CDYL2: variants seen among roughly 807,000 people sequenced by gnomAD.
CDYL2 encodes the protein chromodomain Y like 2, also known as chromodomain Y-like protein 2.
CDYL2 carries 23 observed loss-of-function variants against 49.4 expected under a neutral mutation model. The observed-to-expected ratio is 0.47, with a 90% CI of 0.34 to 0.66. The LOEUF is 0.66. Ranked by LOEUF, CDYL2 falls within the 30% of genes least tolerant of loss-of-function variation. CDYL2 has a pLI of 0.01. For synonymous variants in CDYL2, 360 were observed against 268.8 expected, an observed-to-expected ratio of 1.34 and a Z score of -3.32; for missense variants, 678 against 656.4, an observed-to-expected ratio of 1.03 and a Z score of -0.36.
chr16:80,652,425 G>T (rs1283057159), intron 2 of CDYL2, among the ~76,000 whole-genome samples: 1 of 152,188 alleles, frequency 6.6e-6, no homozygotes, highest in Non-Finnish European at 1.5e-5. Flanking sequence ...TACCATCCAT[G>T]AGTCCATACT....
chr16:80,651,284 C>T (rs1597149337), intron 2 of CDYL2, among the ~76,000 whole-genome samples: 1 of 152,148 alleles, frequency 6.6e-6, no homozygotes, highest in African/African-American at 2.4e-5. Context: ...AGTTAGCTAT[C>T]AAGCCACCAA....
chr16:80,702,674 C>G (rs918927764), intron 1 of CDYL2, among the ~76,000 whole-genome samples: 7 of 152,154 alleles, frequency 4.6e-5, no homozygotes, highest in African/African-American at 1.7e-4. Context: ...CGCTTGAGCC[C>G]AGGAAGGCAA....
intron 2 of CDYL2, among the ~76,000 whole-genome samples, chr16:80,641,509 G>C (rs949290554): frequency 2.0e-5 from 3 of 152,056 alleles, no homozygotes; most frequent in South Asian, 2.1e-4. Context: ...ACTTCAATCA[G>C]AAAGAAAAGG....
At chr16:80,802,771 G>C (rs1907965055) in intron 1 of CDYL2, among the ~76,000 whole-genome samples, 1 of 152,214 alleles carries the variant, frequency 6.6e-6, no homozygotes. Flanking sequence ...TCTAACGCCA[G>C]TCAGCAAACC....
chr16:80,675,158 C>T (rs9931616), intron 2 of CDYL2, among the ~76,000 whole-genome samples: 1 of 152,234 alleles, frequency 6.6e-6, no homozygotes, highest in Non-Finnish European at 1.5e-5. Context: ...CCCTTGGCAT[C>T]TGGGAAAGGT....
chr16:80,662,879 T>G (rs751912726), intron 2 of CDYL2: 66 of 425,870 alleles, frequency 1.5e-4, no homozygotes, highest in Middle Eastern at 6.9e-4. Context: ...GATGGATTCT[T>G]AAAGGCAAGG....
In CDYL2 at chr16:80,804,245, G is replaced by C; in HGVS notation, c.-72C>G. 2 of 1,291,326 alleles carry C rather than the reference G, an allele frequency of 1.5e-6. No homozygotes were observed. The highest frequency in any genetic ancestry group is 2.0e-6 in the Non-Finnish European group (2 of 982,894). The allele number at this position is 1,291,326 out of a possible 1,614,324, so 80.0% of individuals were successfully genotyped here. ...GCGCCCTCCGTGCGTGTGCGCGCGGGGTCCGGTGTGCGCGTGTGTGTGCGC... is the reference window on the plus strand; with the variant it reads ...GCGCCCTCCGTGCGTGTGCGCGCGGCGTCCGGTGTGCGCGTGTGTGTGCGC... On this transcript the variant is annotated 5_prime_UTR_variant, in exon 1 of 7. Transcript: ENST00000570137.
chr16:80,729,667 C>A (rs1347687594), intron 1 of CDYL2, among the ~76,000 whole-genome samples: 1 of 152,084 alleles, frequency 6.6e-6, no homozygotes, highest in African/African-American at 2.4e-5. Context: ...AGCACCACAC[C>A]ACACCTATTC....
chr16:80,768,111 G>C (rs186455179), intron 1 of CDYL2, among the ~76,000 whole-genome samples: 146 of 152,260 alleles, frequency 9.6e-4, no homozygotes, highest in African/African-American at 3.3e-3. Flanking sequence ...CCAGTAACAA[G>C]AGAAACAGTT....
chr16:80,629,667 AC>A (rs1243219289), intron 3 of CDYL2, among the ~76,000 whole-genome samples: 26 of 152,310 alleles, frequency 1.7e-4, no homozygotes, highest in African/African-American at 6.3e-4. Flanking sequence ...ATTACAGCAA[AC>A]CCACTAGCTT....
chr16:80,682,030 AG>A (rs1311796386), intron 2 of CDYL2, among the ~76,000 whole-genome samples: 1 of 152,222 alleles, frequency 6.6e-6, no homozygotes, highest in Non-Finnish European at 1.5e-5. Flanking sequence ...AGAGTCACCC[AG>A]GAAGTTTGTT....
intron 1 of CDYL2, among the ~76,000 whole-genome samples, chr16:80,793,439 C>A (rs1264518302): frequency 1.3e-5 from 2 of 152,148 alleles, no homozygotes; most frequent in Non-Finnish European, 2.9e-5. Flanking sequence ...CAAGGACAAT[C>A]TGAAAGAAAG....
At chr16:80,652,610 G>A (rs1908631369) in intron 2 of CDYL2, among the ~76,000 whole-genome samples, 1 of 152,144 alleles carries the variant, frequency 6.6e-6, no homozygotes, top group South Asian at 2.1e-4. Context: ...GTGTAGAGGG[G>A]GAGGCGAAGT....
intron 1 of CDYL2, among the ~76,000 whole-genome samples, chr16:80,782,645 A>C (rs1907309941): frequency 6.6e-6 from 1 of 151,890 alleles, no homozygotes; most frequent in African/African-American, 2.4e-5. Context: ...AGGATCACAC[A>C]CCATGACCAA....
chr16:80,663,331 G>A (rs1237045827), intron 2 of CDYL2, among the ~76,000 whole-genome samples: 4 of 151,774 alleles, frequency 2.6e-5, no homozygotes, highest in African/African-American at 9.7e-5. Flanking sequence ...CAGTTCTACA[G>A]TTGAGTGGAA....
chr16:80,780,657 G>T (rs1597130587), intron 1 of CDYL2, among the ~76,000 whole-genome samples: 1 of 151,828 alleles, frequency 6.6e-6, no homozygotes, highest in Non-Finnish European at 1.5e-5. Context: ...CACCTGCTTC[G>T]GCCTCCCAAA....
At chr16:80,621,307 C>T (rs1907074535) in intron 3 of CDYL2, among the ~76,000 whole-genome samples, 1 of 152,342 alleles carries the variant, frequency 6.6e-6, no homozygotes. Flanking sequence ...AATCCATGCA[C>T]AGCCCAAGTG....
At chr16:80,633,464 C>T (rs1426545286) in intron 2 of CDYL2, among the ~76,000 whole-genome samples, 2 of 152,152 alleles carry the variant, frequency 1.3e-5, no homozygotes, top group Admixed American at 6.5e-5. Flanking sequence ...TGTGAAGGCC[C>T]TGTGCGGTCC....
At position 80,804,564 on chromosome 16, in the gene CDYL2, C is replaced by T. The variant is rs1249808297; in HGVS notation, c.-391G>A. On this transcript the variant is annotated 5_prime_UTR_variant, in exon 1 of 7. Transcript: ENST00000570137. ...CCGGCGCCGCCTGCAGGAAGCCGCC[C>T]GGCGCCCGCCGCCGGCCCGGACGCT... Among the ~76,000 whole-genome samples the T allele has an allele frequency of 6.9e-6, 1 of 145,228 alleles. No homozygotes were observed. Among genetic ancestry groups the T allele is most frequent in the Non-Finnish European group, 1.5e-5 (1 of 65,380 alleles).
Sources: gnomAD v4.1 joint callset for allele counts (sites outside exome capture counted in the v4.1 genomes callset) on GRCh38, gnomAD v4.1.1 for gene constraint, MANE v1.5 for transcripts, NCBI Gene and HGNC (gene_info 2026-07-23, HGNC 2026-07-21) for gene names.